EXTL3: variants seen among roughly 807,000 people sequenced by gnomAD.
EXTL3 encodes exostosin like glycosyltransferase 3, also known as exostosin-like 3.
Under a neutral mutation model 69.3 loss-of-function variants are expected in EXTL3, and 27 were observed. The observed-to-expected ratio is 0.39, with a 90% CI of 0.29 to 0.54. The LOEUF is 0.54. EXTL3 is among the 20% of genes least tolerant of loss of function. The pLI, the probability that EXTL3 is intolerant of heterozygous loss-of-function variation, is 0.69. For synonymous variants in EXTL3, 511 were observed against 499.4 expected (o/e 1.02, Z -0.31); for missense variants, 1,003 against 1,231.8 (o/e 0.81, Z 2.78).
chr8:28,747,883 C>T (rs900345244), intron 6 of EXTL3, among the ~76,000 whole-genome samples: 4 of 152,016 alleles, frequency 2.6e-5, no homozygotes, highest in Admixed American at 6.5e-5. Flanking sequence ...CATGTGTCGC[C>T]ATGCCCAGCT....
rs190986685 is a variant in EXTL3 at position 28,639,605 on chromosome 8, G to A, written c.-53+16795G>A. Among the ~76,000 whole-genome samples, 405 of 151,622 alleles carry A rather than the reference G, an allele frequency of 2.7e-3. 2 individuals carry two copies. Among genetic ancestry groups the A allele is most frequent in the African/African-American group, 9.6e-3 (394 of 41,004 alleles). On this transcript the variant is annotated intron_variant, in intron 1 of 6. Coordinates refer to the EXTL3 transcript ENST00000523149. Reference sequence around the variant, plus strand: ...TTATACTTCCCCTCTTGGTCCCTGCGGTTTGGCCTCTGATGCCAGTTGAGC... The same window carrying A: ...TTATACTTCCCCTCTTGGTCCCTGCAGTTTGGCCTCTGATGCCAGTTGAGC...
Position 28,713,455 on chromosome 8 carries a change from A to G in EXTL3, c.-569-2A>G. 1 of 677,088 alleles carries G rather than the reference A, an allele frequency of 1.5e-6. No individual in the cohort carries two copies. 41.9% of individuals were successfully genotyped at this position (677,088 alleles called of 1,614,324 possible). The stretch of plus-strand genomic sequence containing the variant: ...TGTTTTTTGTTTTTTTTTTTAAATC[A>G]GGAGAGCAAGCCCTGGAGGTTCACT... On this transcript the variant is annotated splice_acceptor_variant, in intron 1 of 6. Transcript: ENST00000220562. LOFTEE classifies it low-confidence loss of function (5UTR_SPLICE).
chr8:28,685,032 A>G (rs150739287), intron 1 of EXTL3, among the ~76,000 whole-genome samples: 1,879 of 100,328 alleles, frequency 0.019, 41 homozygotes, highest in African/African-American at 0.061. Flanking sequence ...GCTCACTGCA[A>G]CTTCTGTCTC....
At chr8:28,629,269 C>T (rs542459765) in intron 1 of EXTL3, among the ~76,000 whole-genome samples, 3 of 151,316 alleles carry the variant, frequency 2.0e-5, no homozygotes, top group East Asian at 2.0e-4. Context: ...GAAAACAAAC[C>T]GAGTTTTCCA....
intron 1 of EXTL3, among the ~76,000 whole-genome samples, chr8:28,646,514 C>T (rs1204722253): frequency 6.6e-6 from 1 of 152,178 alleles, no homozygotes; most frequent in Non-Finnish European, 1.5e-5. Context: ...CTCATTACTA[C>T]CCTAGCAGAT....
intron 2 of EXTL3, among the ~76,000 whole-genome samples, chr8:28,610,149 G>A (rs1464030321): frequency 6.6e-6 from 1 of 152,064 alleles, no homozygotes. Flanking sequence ...GTTGCAGTGA[G>A]CCAAGATCCC....
intron 1 of EXTL3, among the ~76,000 whole-genome samples, chr8:28,654,992 G>A (rs1806983293): frequency 6.6e-6 from 1 of 152,208 alleles, no homozygotes; most frequent in African/African-American, 2.4e-5. Flanking sequence ...GGTGAGAAGA[G>A]TAAGGCCGAT....
chr8:28,674,539 C>T (rs1435682267), intron 1 of EXTL3, among the ~76,000 whole-genome samples: 1 of 152,136 alleles, frequency 6.6e-6, no homozygotes, highest in Non-Finnish European at 1.5e-5. Flanking sequence ...CTGAGGGAGA[C>T]CTTTATTTAC....
At chr8:28,736,653 T>G (rs1801658616) in intron 4 of EXTL3, among the ~76,000 whole-genome samples, 1 of 152,222 alleles carries the variant, frequency 6.6e-6, no homozygotes, top group South Asian at 2.1e-4. Flanking sequence ...AGTTCAGTAG[T>G]CTTCTGTGGT....
chr8:28,616,320 C>A (rs1806330045), intron 2 of EXTL3, among the ~76,000 whole-genome samples: 1 of 151,494 alleles, frequency 6.6e-6, no homozygotes, highest in African/African-American at 2.4e-5. Flanking sequence ...AAAAGAGAGG[C>A]AGTCAGACAT....
At chr8:28,705,138 G>A (rs1800894930) in intron 1 of EXTL3, among the ~76,000 whole-genome samples, 1 of 152,196 alleles carries the variant, frequency 6.6e-6, no homozygotes, top group Non-Finnish European at 1.5e-5. Context: ...TTGCTGCCTT[G>A]AGTAGGTAGG....
chr8:28,718,018 G>C lies in EXTL3; in HGVS notation c.1959G>C (p.Ala653=). ...GTTCTGGCAAGGAATTTCAGGCAGC[G>C]CTTGGAGGCAATGTTCCCCGAGAGC... The part of the protein sequence containing the change: ...AGGSGKEFQA[A]LGGNVPREQF... The change falls in exon 3 of 7, where the codon GCG becomes GCC. Residue 653 remains alanine, a synonymous_variant. Transcript: ENST00000220562. 1 of 1,613,996 alleles carries C rather than the reference G, an allele frequency of 6.2e-7. No homozygotes were observed. The highest frequency in any genetic ancestry group is 1.1e-5 in the South Asian group (1 of 91,048).
At position 28,717,856 on chromosome 8, in the gene EXTL3, CTTT is replaced by C; in HGVS notation, c.1799_1801del (p.Phe600del). 1 of 1,612,838 alleles carries C rather than the reference CTTT, an allele frequency of 6.2e-7. No individual in the cohort carries two copies. Among genetic ancestry groups the C allele is most frequent in the Non-Finnish European group, 8.5e-7 (1 of 1,178,884 alleles). ...GCAATTTCACTCTGACTGTCACTGA[CTTT>C]TACCGCAGCTGGAACTGTGCTCCAG... On this transcript the variant is annotated inframe_deletion, in exon 3 of 7. Transcript: ENST00000220562. This position sits in a 1 kb window ranked among gnomAD's most constrained non-coding sequence, Gnocchi z 8.3.
intron 2 of EXTL3, among the ~76,000 whole-genome samples, chr8:28,612,376 C>T (rs566122322): frequency 6.6e-6 from 1 of 151,740 alleles, no homozygotes; most frequent in African/African-American, 2.4e-5. Context: ...ATCGCTTGAA[C>T]CTGGGAGGCA....
chr8:28,619,091 CAAAAAAAA>C (rs869265770), upstream of EXTL3, among the ~76,000 whole-genome samples: 10 of 56,902 alleles, frequency 1.8e-4, no homozygotes, highest in Middle Eastern at 0.012. Flanking sequence ...GACTCCGTCT[CAAAAAAAA>C]AAAAAAAAAA....
intron 1 of EXTL3, among the ~76,000 whole-genome samples, chr8:28,647,036 A>G (rs1446411899): frequency 6.6e-6 from 1 of 152,202 alleles, no homozygotes; most frequent in Admixed American, 6.5e-5. Flanking sequence ...ACATTCAAGC[A>G]GATGCAAACA....
intron 6 of EXTL3, chr8:28,744,084 G>T (rs1410948742): frequency 6.6e-6 from 1 of 152,218 alleles, no homozygotes; most frequent in Non-Finnish European, 1.5e-5. Context: ...GAGCATGCTG[G>T]TAAGGGTTAG....
chr8:28,665,917 G>A (rs1249459081), intron 1 of EXTL3, among the ~76,000 whole-genome samples: 1 of 152,200 alleles, frequency 6.6e-6, no homozygotes, highest in Non-Finnish European at 1.5e-5. Context: ...TTGCCATGGT[G>A]CACTTCTGTG....
chr8:28,622,250 T>TA (rs1806419551), upstream of EXTL3, among the ~76,000 whole-genome samples: 1 of 152,176 alleles, frequency 6.6e-6, no homozygotes, highest in Non-Finnish European at 1.5e-5. Context: ...AAGCGGGAGG[T>TA]AGCCCCGCAC....
Sources: gnomAD v4.1 joint callset for allele counts (sites outside exome capture counted in the v4.1 genomes callset) on GRCh38, gnomAD v4.1.1 for gene constraint, Gnocchi (gnomAD v3.1) non-coding constraint, MANE v1.5 for transcripts, NCBI Gene and HGNC (gene_info 2026-07-23, HGNC 2026-07-21) for gene names.